Variants in DPP10 observed in about 807,000 individuals in gnomAD.
DPP10 encodes the protein inactive dipeptidyl peptidase 10.
In DPP10, 33 loss-of-function variants were observed where a neutral mutation model predicts 120.9. The ratio of observed to expected loss-of-function variants is 0.27; its 90% CI spans 0.21 to 0.37. The LOEUF is 0.37. DPP10 is among the 10% of genes least tolerant of loss of function. The pLI is 1.00. For synonymous variants in DPP10, 337 were observed against 326.1 expected (o/e 1.03, Z -0.36); for missense variants, 816 against 942.8 (o/e 0.87, Z 1.76).
chr2:114,556,281 G>T lies in DPP10; in HGVS notation c.60+113443G>T, dbSNP rs531309590. Among the ~76,000 whole-genome samples the T allele has an allele frequency of 4.4e-3, 521 of 118,098 alleles. 5 individuals carry two copies. The highest frequency in any genetic ancestry group is 0.015 in the African/African-American group (470 of 30,948). 77.5% of individuals were successfully genotyped at this position (118,098 alleles called of 152,430 possible). A position where few individuals can be genotyped will look rare whatever the true frequency, so the allele number is the denominator to read the frequency against. Reference sequence around the variant, plus strand: ...TATATATATATATAGGCAAATAATAGATGATAGATGAGTAAATAGATAATA... The same window carrying T: ...TATATATATATATAGGCAAATAATATATGATAGATGAGTAAATAGATAATA... On this transcript the variant is annotated intron_variant, in intron 1 of 25. Coordinates refer to ENST00000410059, the MANE Select transcript of DPP10 (RefSeq NM_020868.6).
At chr2:115,062,851 A>G (rs1179153818) in intron 1 of DPP10, among the ~76,000 whole-genome samples, 1 of 152,222 alleles carries the variant, frequency 6.6e-6, no homozygotes, top group African/African-American at 2.4e-5. Context: ...CAATGAATAT[A>G]TGCATGCATG....
In DPP10 at chr2:115,836,094, T is replaced by C. The variant is rs1288873955; in HGVS notation, c.1951-63T>C. On this transcript the variant is annotated intron_variant, in intron 21 of 25. Transcript: ENST00000410059. ...TAGTTGTTATATATAAATTTGTGTG[T>C]GTGTATGTGTGTGTGTGTGTGTGAG... 5.2e-6 allele frequency: 4 copies of C among 764,334 alleles called. No individual in the cohort carries two copies. The African/African-American group carries it at 1.0e-4, about 20-fold the overall frequency. The allele number at this position is 764,334 out of a possible 1,614,324, so 47.3% of individuals were successfully genotyped here.
chr2:114,510,348 G>A (rs1425920930), intron 1 of DPP10, among the ~76,000 whole-genome samples: 1 of 152,204 alleles, frequency 6.6e-6, no homozygotes, highest in Non-Finnish European at 1.5e-5. Context: ...GCTCATGCCT[G>A]TAATCCCAGC....
chr2:115,389,297 ACACT>A (rs545557057), intron 3 of DPP10, among the ~76,000 whole-genome samples: 36 of 151,656 alleles, frequency 2.4e-4, no homozygotes, highest in Admixed American at 1.6e-3. Flanking sequence ...ACACACACAC[ACACT>A]CATACTCATT....
intron 1 of DPP10, among the ~76,000 whole-genome samples, chr2:115,082,503 G>A (rs773967348): frequency 6.6e-6 from 1 of 152,122 alleles, no homozygotes; most frequent in Non-Finnish European, 1.5e-5. Flanking sequence ...AAAATGATGT[G>A]GAGTCGATTT....
At chr2:115,045,573 G>T (rs1055495514) in intron 1 of DPP10, among the ~76,000 whole-genome samples, 8 of 152,130 alleles carry the variant, frequency 5.3e-5, no homozygotes, top group Non-Finnish European at 1.2e-4. Flanking sequence ...GAGTTCTAAT[G>T]CAAAGTCCCG....
At chr2:115,806,600 A>G (rs1223623428) in intron 19 of DPP10, among the ~76,000 whole-genome samples, 1 of 152,182 alleles carries the variant, frequency 6.6e-6, no homozygotes, top group Non-Finnish European at 1.5e-5. Context: ...CAAGGATGAA[A>G]TACAGGTTGA....
intron 12 of DPP10, 114 bp from the exon 13 acceptor site, chr2:115,768,183 T>G (rs971404781): frequency 3.5e-6 from 3 of 862,072 alleles, no homozygotes; most frequent in East Asian, 5.8e-5. Context: ...GTGCCCATTT[T>G]CCTAACTAAT....
At chr2:115,678,063 G>A (rs1380307935) in intron 5 of DPP10, among the ~76,000 whole-genome samples, 1 of 152,182 alleles carries the variant, frequency 6.6e-6, no homozygotes, top group African/African-American at 2.4e-5. Context: ...ATTATATCAA[G>A]TAAGAGGAAG....
chr2:115,204,060 T>G (rs2055939353), intron 1 of DPP10, among the ~76,000 whole-genome samples: 1 of 152,162 alleles, frequency 6.6e-6, no homozygotes, highest in Admixed American at 6.6e-5. Flanking sequence ...TCTATGAATT[T>G]TCTTCAGTTA....
At chr2:114,812,043 G>A (rs888325311) in intron 1 of DPP10, among the ~76,000 whole-genome samples, 20 of 152,106 alleles carry the variant, frequency 1.3e-4, no homozygotes, top group Non-Finnish European at 1.5e-5. Context: ...CCAACCTGAA[G>A]TCAGATCTGT....
chr2:115,579,757 C>A (rs972800573), intron 5 of DPP10: 5 of 151,976 alleles, frequency 3.3e-5, no homozygotes, highest in Admixed American at 6.6e-5. Flanking sequence ...GTTGCAAATT[C>A]TCTCTCTCTC....
chr2:114,640,515 T>C (rs765113046), intron 1 of DPP10, among the ~76,000 whole-genome samples: 15 of 151,622 alleles, frequency 9.9e-5, no homozygotes, highest in Non-Finnish European at 2.1e-4. Flanking sequence ...TAAAGAGAAC[T>C]AGAGAGGATA....
chr2:115,041,622 T>C (rs957718482), intron 1 of DPP10, among the ~76,000 whole-genome samples: 3 of 152,186 alleles, frequency 2.0e-5, no homozygotes, highest in African/African-American at 7.2e-5. Flanking sequence ...TTTTGTGGTG[T>C]TTCCTTATTC....
rs534353686 is a variant in DPP10, at chr2:115,594,060, G to A, written c.441+68088G>A. 2.0e-5 allele frequency among the ~76,000 whole-genome samples: 3 copies of A among 152,222 alleles called. No homozygotes were observed. The South Asian group carries it at 6.2e-4, about 32-fold the overall frequency. ...AAAGTGGCATTCTTTACTTACCATAGGTCAGGAACCCTGCAAAGTAACCAT... is the reference window on the plus strand; with the variant it reads ...AAAGTGGCATTCTTTACTTACCATAAGTCAGGAACCCTGCAAAGTAACCAT... On this transcript the variant is annotated intron_variant, in intron 5 of 25. Transcript: ENST00000410059.
At chr2:114,821,045 C>G (rs182944760) in intron 1 of DPP10, among the ~76,000 whole-genome samples, 1 of 152,298 alleles carries the variant, frequency 6.6e-6, no homozygotes, top group African/African-American at 2.4e-5. Flanking sequence ...CCCTGGTACA[C>G]AGACAGAGGG....
At chr2:114,665,513 G>C (rs569228507) in intron 1 of DPP10, among the ~76,000 whole-genome samples, 1 of 152,150 alleles carries the variant, frequency 6.6e-6, no homozygotes, top group East Asian at 1.9e-4. Context: ...AAGGTGGAAG[G>C]GACCCATGGC....
At chr2:115,050,640 C>A (rs956265729) in intron 1 of DPP10, among the ~76,000 whole-genome samples, 2 of 152,138 alleles carry the variant, frequency 1.3e-5, no homozygotes, top group Non-Finnish European at 2.9e-5. Flanking sequence ...GAAAATTTCA[C>A]ATATTCTGGG....
intron 4 of DPP10, among the ~76,000 whole-genome samples, chr2:115,522,478 T>C (rs2077871938): frequency 1.3e-5 from 2 of 152,214 alleles, no homozygotes; most frequent in Non-Finnish European, 2.9e-5. Flanking sequence ...GAATGATACG[T>C]ACAAAACAGG....
Sources: allele counts gnomAD v4.1 joint callset (sites outside exome capture counted in the v4.1 genomes callset), GRCh38; gene constraint gnomAD v4.1.1; transcripts MANE v1.5; gene names NCBI Gene and HGNC (gene_info 2026-07-23, HGNC 2026-07-21).